The following COG5 variants were observed in gnomAD, a reference collection of about 807,000 sequenced individuals.
COG5 encodes the protein conserved oligomeric Golgi complex subunit 5.
In COG5, 86 loss-of-function variants were observed where a neutral mutation model predicts 110.4. The ratio of observed to expected loss-of-function variants is 0.78; its 90% CI spans 0.65 to 0.93. The LOEUF (loss-of-function observed/expected upper bound fraction) is 0.93, where lower values mean the gene tolerates loss of function less well. Ranked by LOEUF, COG5 falls within the 40% of genes least tolerant of loss-of-function variation. The pLI is 0.00. For missense variants in COG5, 1,077 were observed against 987.0 expected (o/e 1.09, Z -1.22); for synonymous variants, 360 against 334.6 (o/e 1.08, Z -0.83).
At chr7:107,541,601 A>C (rs1308432662) in intron 5 of COG5, among the ~76,000 whole-genome samples, 1 of 148,584 alleles carries the variant, frequency 6.7e-6, no homozygotes, top group Non-Finnish European at 1.5e-5. Context: ...GTCATAACAG[A>C]AAGAGAAGAT....
At chr7:107,397,927 A>C (rs1791133157) in intron 7 of COG5, among the ~76,000 whole-genome samples, 1 of 152,152 alleles carries the variant, frequency 6.6e-6, no homozygotes, top group Non-Finnish European at 1.5e-5. Context: ...AATGAAAGAA[A>C]AAAAAAGGTC....
chr7:107,409,716 A>C (rs779403065), intron 7 of COG5, among the ~76,000 whole-genome samples: 1 of 152,200 alleles, frequency 6.6e-6, no homozygotes, highest in Non-Finnish European at 1.5e-5. Flanking sequence ...GATGGTGTGG[A>C]ATTAGCCTTA....
At chr7:107,493,019 G>A (rs1332460785) in intron 6 of COG5, among the ~76,000 whole-genome samples, 2 of 152,118 alleles carry the variant, frequency 1.3e-5, no homozygotes, top group Non-Finnish European at 2.9e-5. Context: ...GTGTTGGGAG[G>A]TGGGGCCTTT....
intron 7 of COG5, among the ~76,000 whole-genome samples, chr7:107,398,564 C>A (rs1375997037): frequency 6.6e-6 from 1 of 152,228 alleles, no homozygotes; most frequent in Non-Finnish European, 1.5e-5. Context: ...CCCAAAACCA[C>A]CACCTCTGCC....
At chr7:107,360,415 A>G (rs1813006650) in intron 10 of COG5, among the ~76,000 whole-genome samples, 1 of 152,210 alleles carries the variant, frequency 6.6e-6, no homozygotes, top group Non-Finnish European at 1.5e-5. Flanking sequence ...AAAAAGCTGT[A>G]ACACAAACAG....
chr7:107,284,070 G>A (rs1805424035), intron 12 of COG5, among the ~76,000 whole-genome samples: 1 of 151,940 alleles, frequency 6.6e-6, no homozygotes, highest in African/African-American at 2.4e-5. Context: ...GATTACAGCT[G>A]CCCGCCACCA....
chr7:107,543,794 C>A (rs559002821), intron 5 of COG5, among the ~76,000 whole-genome samples: 2 of 152,248 alleles, frequency 1.3e-5, no homozygotes, highest in South Asian at 4.1e-4. Flanking sequence ...TCCAAGTCAG[C>A]CCCTGTGGCC....
intron 21 of COG5, among the ~76,000 whole-genome samples, chr7:107,207,625 T>G (rs1195046194): frequency 6.6e-6 from 1 of 152,156 alleles, no homozygotes; most frequent in Non-Finnish European, 1.5e-5. Context: ...GAAAACACAT[T>G]CAACACTTAC....
At chr7:107,530,330 A>G (rs1801105937) in intron 5 of COG5, among the ~76,000 whole-genome samples, 1 of 152,164 alleles carries the variant, frequency 6.6e-6, no homozygotes, top group South Asian at 2.1e-4. Context: ...GGCCGGACGC[A>G]GTGGCTTATG....
chr7:107,499,577 T>G (rs950315046), intron 6 of COG5, among the ~76,000 whole-genome samples: 6 of 152,030 alleles, frequency 3.9e-5, no homozygotes, highest in Admixed American at 2.6e-4. Context: ...AGCTAATTTT[T>G]TGTATTTTCA....
intron 6 of COG5, among the ~76,000 whole-genome samples, chr7:107,501,238 A>T (rs1212610290): frequency 6.6e-6 from 1 of 152,044 alleles, no homozygotes; most frequent in Admixed American, 6.6e-5. Flanking sequence ...ATTATTAGTA[A>T]TATATACTAG....
rs1454331721 is a variant in COG5, at chr7:107,372,730, C to T, written c.700G>A (p.Val234Ile). The change falls in exon 8 of 22, where the codon GTT becomes ATT. Residue 234 changes from valine to isoleucine, a missense_variant. By Grantham distance (29) the Val-to-Ile change is conservative. Transcript: ENST00000297135. ...NPTQVGTALQ[V>I]FYNLGTLKDT... is the part of the protein sequence containing the mutation. ...TTCAAAGTTCCAAGATTATAGAAAA[C>T]CTGAAGAGCTGTTCCGACTTGAGTT... 3 of 1,613,426 alleles carry T rather than the reference C, an allele frequency of 1.9e-6. No individual in the cohort carries two copies. The highest frequency in any genetic ancestry group is 2.5e-6 in the Non-Finnish European group (3 of 1,179,758).
intron 6 of COG5, among the ~76,000 whole-genome samples, chr7:107,517,593 A>G (rs1291470203): frequency 6.6e-6 from 1 of 152,174 alleles, no homozygotes; most frequent in Non-Finnish European, 1.5e-5. Context: ...GAGCAGCCAG[A>G]GAAAAAGGTC....
intron 6 of COG5, among the ~76,000 whole-genome samples, chr7:107,510,489 C>A (rs150436886): frequency 1.3e-5 from 2 of 152,004 alleles, no homozygotes; most frequent in African/African-American, 2.4e-5. Context: ...GACAGATCAA[C>A]GAGACAGAAA....
chr7:107,492,154 AAAC>A (rs1475597081), intron 6 of COG5, among the ~76,000 whole-genome samples: 1 of 141,488 alleles, frequency 7.1e-6, no homozygotes, highest in African/African-American at 2.6e-5. Flanking sequence ...AAAAAACCAA[AAAC>A]AACAATGGGT....
chr7:107,248,322 G>C, intron 17 of COG5, 74 bp downstream of exon 17: 1 of 948,722 alleles, frequency 1.1e-6, no homozygotes, highest in Non-Finnish European at 1.7e-6. Flanking sequence ...GGGCAGCTTA[G>C]GGAGTAAGCA....
intron 14 of COG5, among the ~76,000 whole-genome samples, chr7:107,263,014 C>A (rs989299322): frequency 6.6e-6 from 1 of 152,164 alleles, no homozygotes; most frequent in South Asian, 2.1e-4. Context: ...GTTCCTTCCC[C>A]CAACCTCTAG....
chr7:107,429,199 A>G (rs1388796777), intron 6 of COG5, among the ~76,000 whole-genome samples: 1 of 152,216 alleles, frequency 6.6e-6, no homozygotes, highest in East Asian at 1.9e-4. Flanking sequence ...GAACAACCAT[A>G]TTTTACTTAA....
chr7:107,531,327 G>A (rs533811640), intron 5 of COG5, among the ~76,000 whole-genome samples: 12 of 152,086 alleles, frequency 7.9e-5, no homozygotes, highest in African/African-American at 2.7e-4. Flanking sequence ...AACATTAGAG[G>A]GTGGTATATT....
Sources: allele counts gnomAD v4.1 joint callset (sites outside exome capture counted in the v4.1 genomes callset), GRCh38; gene constraint gnomAD v4.1.1; transcripts MANE v1.5; gene names NCBI Gene and HGNC (gene_info 2026-07-23, HGNC 2026-07-21).